GKAP1: variants seen among roughly 807,000 people sequenced by gnomAD.
The protein encoded by GKAP1 is G kinase-anchoring protein 1.
GKAP1 carries 31 observed loss-of-function variants against 56.7 expected under a neutral mutation model. The ratio of observed to expected loss-of-function variants is 0.55; its 90% CI spans 0.41 to 0.74. The LOEUF is 0.74. Among genes scored for constraint, GKAP1 ranks in the 30% least tolerant of loss-of-function variants. The pLI is 0.00. For missense variants in GKAP1, 364 were observed against 402.3 expected (o/e 0.90, Z 0.82); for synonymous variants, 151 against 138.6 (o/e 1.09, Z -0.63).
chr9:83,761,053 AAAAG>A, intron 8 of GKAP1, among the ~76,000 whole-genome samples: 1 of 152,088 alleles, frequency 6.6e-6, no homozygotes, highest in East Asian at 1.9e-4. Context: ...AAAGCAATAC[AAAAG>A]AAATAAATGA....
intron 7 of GKAP1, among the ~76,000 whole-genome samples, chr9:83,775,063 C>T (rs574472761): frequency 4.6e-5 from 7 of 150,566 alleles, no homozygotes; most frequent in East Asian, 4.0e-4. Flanking sequence ...TGCTAGAGTG[C>T]GGTGGTGCTA....
chr9:83,804,012 C>T (rs1238707371), intron 3 of GKAP1, among the ~76,000 whole-genome samples: 1 of 150,772 alleles, frequency 6.6e-6, no homozygotes, highest in Non-Finnish European at 1.5e-5. Context: ...AGACCCTCCG[C>T]CCAGCATCCG....
At chr9:83,753,762 G>A (rs1042244004) in intron 8 of GKAP1, among the ~76,000 whole-genome samples, 1 of 151,978 alleles carries the variant, frequency 6.6e-6, no homozygotes, top group Admixed American at 6.6e-5. Flanking sequence ...CAATTAACAG[G>A]TAGAAGACAG....
chr9:83,781,782 A>G (rs1943976188), intron 6 of GKAP1, among the ~76,000 whole-genome samples: 1 of 152,170 alleles, frequency 6.6e-6, no homozygotes. Flanking sequence ...AAATGTGGAA[A>G]ACAGGAGTTT....
rs1753019047 is a variant in GKAP1 at position 83,739,692 on chromosome 9, TG to T, written c.*4del. The T allele has an allele frequency of 6.2e-7, 1 of 1,602,464 alleles. No individual in the cohort carries two copies. Among genetic ancestry groups the T allele is most frequent in the African/African-American group, 1.3e-5 (1 of 74,120 alleles). On this transcript the variant is annotated 3_prime_UTR_variant, in exon 13 of 13. Coordinates refer to ENST00000376371, the MANE Select transcript of GKAP1 (RefSeq NM_025211.4). ...ACTTTGTGTTGACTTCAAAGGCTAA[TG>T]TAATCACCTACACTGGTCGGATTCA...
intron 2 of GKAP1, among the ~76,000 whole-genome samples, chr9:83,807,303 C>T (rs1944453497): frequency 6.6e-6 from 1 of 152,178 alleles, no homozygotes; most frequent in African/African-American, 2.4e-5. Context: ...GGTTATGTGA[C>T]TTCCCTTAGT....
At chr9:83,780,442 A>C (rs1367044749) in intron 6 of GKAP1, 38 bp from the exon 7 acceptor site, 2 of 710,876 alleles carry the variant, frequency 2.8e-6, no homozygotes, top group African/African-American at 1.9e-5. Context: ...AACTTTATTG[A>C]AGGAATTTAA....
chr9:83,782,857 C>T (rs150410071), intron 6 of GKAP1, among the ~76,000 whole-genome samples: 4 of 146,786 alleles, frequency 2.7e-5, no homozygotes, highest in Non-Finnish European at 6.0e-5. Flanking sequence ...TTAGTAGAGA[C>T]AGGGTTTCAC....
intron 4 of GKAP1, among the ~76,000 whole-genome samples, chr9:83,790,564 C>T (rs933449757): frequency 8.6e-5 from 13 of 152,032 alleles, no homozygotes; most frequent in Admixed American, 4.6e-4. Flanking sequence ...GGGCGGATCA[C>T]CTGAGGTCAG....
intron 3 of GKAP1, among the ~76,000 whole-genome samples, chr9:83,800,093 C>G (rs1236993270): frequency 6.6e-6 from 1 of 152,136 alleles, no homozygotes; most frequent in Non-Finnish European, 1.5e-5. Context: ...AATACAGGGC[C>G]TAGTCCACAA....
chr9:83,774,701 C>CTT (rs1564199151), intron 7 of GKAP1, among the ~76,000 whole-genome samples: 2,958 of 100,762 alleles, frequency 0.029, 529 homozygotes, highest in Non-Finnish European at 0.033. Flanking sequence ...ACAGAAACCC[C>CTT]CTTTTTTTTT....
chr9:83,805,162 A>AC (rs1944417627), intron 3 of GKAP1, among the ~76,000 whole-genome samples: 1 of 152,194 alleles, frequency 6.6e-6, no homozygotes, highest in African/African-American at 2.4e-5. Context: ...TTGATCGGTG[A>AC]CCTTACCCCC....
chr9:83,746,835 A>G (rs750910160), intron 10 of GKAP1, among the ~76,000 whole-genome samples: 2 of 152,258 alleles, frequency 1.3e-5, no homozygotes, highest in African/African-American at 2.4e-5. Flanking sequence ...AAGTCTGCAC[A>G]TGTACAATTT....
intron 9 of GKAP1, 35 bp downstream of exon 9, chr9:83,753,215 TTTATAGAA>T: frequency 8.5e-7 from 1 of 1,169,982 alleles, no homozygotes; most frequent in Non-Finnish European, 1.2e-6. Context: ...AACGTGAAAA[TTTATAGAA>T]TTATTTTCTT....
chr9:83,806,547 G>T lies in GKAP1; in HGVS notation c.-30C>A. The stretch of plus-strand genomic sequence containing the variant: ...AAGATTTTTCTTTTAAAATACTTCT[G>T]TCAAGAATAATTTCTGTGGGGAGGC... On this transcript the variant is annotated 5_prime_UTR_variant, in exon 3 of 13. Coordinates refer to ENST00000376371, the MANE Select transcript of GKAP1 (RefSeq NM_025211.4). 1 of 1,588,548 alleles carries T rather than the reference G, an allele frequency of 6.3e-7. No individual in the cohort carries two copies. Among genetic ancestry groups the T allele is most frequent in the Non-Finnish European group, 8.6e-7 (1 of 1,161,312 alleles).
intron 8 of GKAP1, among the ~76,000 whole-genome samples, chr9:83,765,312 G>A (rs979473666): frequency 2.0e-5 from 3 of 152,224 alleles, no homozygotes; most frequent in African/African-American, 7.2e-5. Flanking sequence ...TTCAGAGGAC[G>A]TATGGAAACT....
chr9:83,774,701 C>CTTTTTTTTTTTTTTTTTTTTTTTTTT lies in GKAP1; in HGVS notation c.585+5680_585+5681insAAAAAAAAAAAAAAAAAAAAAAAAAA, dbSNP rs1564199151. Reference sequence around the variant, plus strand: ...AGAAACTATCAATAAACAGAAACCCCCTTTTTTTTTTTTTTTTTTTTTTTT... The same window carrying CTTTTTTTTTTTTTTTTTTTTTTTTTT: ...AGAAACTATCAATAAACAGAAACCCCTTTTTTTTTTTTTTTTTTTTTTTTTTCTTTTTTTTTTTTTTTTTTTTTTTT... On this transcript the variant is annotated intron_variant, in intron 7 of 12. Transcript: ENST00000376371. 6.9e-5 allele frequency among the ~76,000 whole-genome samples: 7 copies of CTTTTTTTTTTTTTTTTTTTTTTTTTT among 100,942 alleles called. 3 individuals carry two copies. The highest frequency in any genetic ancestry group is 6.1e-5 in the Non-Finnish European group (3 of 49,358). The allele number at this position is 100,942 out of a possible 152,430, so 66.2% of individuals were successfully genotyped here. A position where few individuals can be genotyped will look rare whatever the true frequency, so the allele number is the denominator to read the frequency against.
intron 3 of GKAP1, among the ~76,000 whole-genome samples, chr9:83,805,366 A>C (rs562363922): frequency 9.9e-5 from 15 of 152,154 alleles, no homozygotes; most frequent in African/African-American, 3.6e-4. Context: ...GAAAACCAGA[A>C]ACCTTTGTTC....
intron 2 of GKAP1, among the ~76,000 whole-genome samples, chr9:83,816,553 A>T (rs1944601862): frequency 6.6e-6 from 1 of 152,270 alleles, no homozygotes. Flanking sequence ...GACTTCTATG[A>T]AGATTTTTAA....
Sources: allele counts gnomAD v4.1 joint callset (sites outside exome capture counted in the v4.1 genomes callset), GRCh38; gene constraint gnomAD v4.1.1; transcripts MANE v1.5; gene names NCBI Gene and HGNC (gene_info 2026-07-23, HGNC 2026-07-21).